The following ZNF407 variants were observed in gnomAD, a reference collection of about 807,000 sequenced individuals.
ZNF407 encodes zinc finger protein 407.
A neutral mutation model predicts 131.2 loss-of-function variants in ZNF407; 17 were observed. That is an observed-to-expected ratio of 0.13 (90% confidence interval 0.09 to 0.19). The LOEUF is 0.19. Among genes scored for constraint, ZNF407 ranks in the 10% least tolerant of loss-of-function variants. The probability of loss-of-function intolerance (pLI) is 1.00; values close to 1 mark genes in which losing one functional copy is unlikely to be tolerated. For synonymous variants in ZNF407, 1,156 were observed against 1,062.0 expected (o/e 1.09, Z -1.72); for missense variants, 2,681 against 2,830.6 (o/e 0.95, Z 1.20).
chr18:74,807,262 A>G (rs1297758263), intron 4 of ZNF407, among the ~76,000 whole-genome samples: 2 of 152,202 alleles, frequency 1.3e-5, no homozygotes, highest in African/African-American at 2.4e-5. Context: ...GGGAACAGAA[A>G]GTACAGTGAA....
Position 74,797,944 on chromosome 18 carries a change from G to T in ZNF407, c.4877+16442G>T, listed in dbSNP as rs556586785. On this transcript the variant is annotated intron_variant, in intron 4 of 8. Coordinates refer to ENST00000299687, the MANE Select transcript of ZNF407 (RefSeq NM_017757.3). ...ACTAGTAATCCATTTTAGCGCATCC[G>T]TAAAGACCAGCAGGAGGGATCAAGG... Among the ~76,000 whole-genome samples, 7 of 151,932 alleles carry T rather than the reference G, an allele frequency of 4.6e-5. No individual in the cohort carries two copies. The South Asian group carries it at 1.5e-3, about 32-fold the overall frequency.
rs146117757 is a variant in ZNF407 at position 75,006,171 on chromosome 18, G to T, written c.5429-56979G>T. Reference sequence around the variant, plus strand: ...CCTAATATTCTTCCTCTGCACTGCCGCTCCTATTTCTTGAGAATGGATTGT... The same window carrying T: ...CCTAATATTCTTCCTCTGCACTGCCTCTCCTATTTCTTGAGAATGGATTGT... On this transcript the variant is annotated intron_variant, in intron 8 of 8. Coordinates refer to ENST00000299687, the MANE Select transcript of ZNF407 (RefSeq NM_017757.3). Among the ~76,000 whole-genome samples the T allele has an allele frequency of 2.6e-5, 4 of 152,218 alleles. No homozygotes were observed. The East Asian group carries it at 7.7e-4, about 29-fold the overall frequency.
chr18:74,939,618 A>G (rs963732861), intron 8 of ZNF407, among the ~76,000 whole-genome samples: 14 of 152,234 alleles, frequency 9.2e-5, no homozygotes, highest in African/African-American at 2.7e-4. Context: ...CCTTTTTATC[A>G]ATCGACAGAA....
intron 8 of ZNF407, among the ~76,000 whole-genome samples, chr18:74,950,513 A>G (rs1246083231): frequency 6.6e-6 from 1 of 152,206 alleles, no homozygotes; most frequent in Admixed American, 6.5e-5. Context: ...GGGCTGAGGT[A>G]GAAAGAAAGT....
At chr18:74,693,800 G>C (rs1272052014) in intron 3 of ZNF407, among the ~76,000 whole-genome samples, 1 of 151,968 alleles carries the variant, frequency 6.6e-6, no homozygotes, top group African/African-American at 2.4e-5. Context: ...TATTTCTTCA[G>C]ATTTTTTTCT....
chr18:74,845,798 TAGC>T (rs1407162534), intron 4 of ZNF407, among the ~76,000 whole-genome samples: 2 of 152,176 alleles, frequency 1.3e-5, no homozygotes, highest in Non-Finnish European at 2.9e-5. Context: ...AGATACATAA[TAGC>T]AGAGAATAAG....
Position 74,635,723 on chromosome 18 carries a change from C to T in ZNF407, c.4687+17C>T, listed in dbSNP as rs370362446. On this transcript the variant is annotated intron_variant, in intron 2 of 8. Transcript: ENST00000299687. The surrounding 1 kb of genome is among the most constrained non-coding windows in gnomAD (Gnocchi z 4.7). ...CTCACACAGGTATGTAGCTCTGCAG[C>T]AAGCCAAGTCAGTGAGGACATGGGG... The T allele has an allele frequency of 1.1e-5, 17 of 1,544,640 alleles. No homozygotes were observed. In the African/African-American group the frequency reaches 2.1e-4, roughly 19 times the overall value.
rs758417579 is a variant in ZNF407 at position 74,635,331 on chromosome 18, C to T, written c.4312C>T (p.Pro1438Ser). The T allele has an allele frequency of 1.2e-6, 2 of 1,613,966 alleles. No individual in the cohort carries two copies. The highest frequency in any genetic ancestry group is 1.6e-4 in the Middle Eastern group (1 of 6,062). Residue 1438 changes from proline to serine, a missense_variant, in exon 2 of 9, where the codon CCT becomes TCT. This residue lies in a region of ZNF407 where 1,789 missense variants were observed against 1,748.7 expected (regional missense o/e 1.02). Transcript: ENST00000299687. The surrounding 1 kb of genome is among the most constrained non-coding windows in gnomAD (Gnocchi z 4.7). ...GLNVHIAMKH[P>S]TKEKHFHCLL... Reference sequence around the variant, plus strand: ...GAATGTTCACATAGCCATGAAGCATCCTACAAAAGAGAAGCACTTCCATTG... The same window carrying T: ...GAATGTTCACATAGCCATGAAGCATTCTACAAAAGAGAAGCACTTCCATTG...
chr18:75,019,383 A>C (rs116577686), intron 8 of ZNF407, among the ~76,000 whole-genome samples: 5 of 152,200 alleles, frequency 3.3e-5, no homozygotes, highest in African/African-American at 1.2e-4. Context: ...AAGTGTGCGC[A>C]GTGGTCCTCC....
chr18:74,983,801 C>T (rs1402635786), intron 8 of ZNF407, among the ~76,000 whole-genome samples: 2 of 152,160 alleles, frequency 1.3e-5, no homozygotes, highest in Non-Finnish European at 2.9e-5. Context: ...GCCACACTGG[C>T]TGTGGAGCCT....
intron 8 of ZNF407, among the ~76,000 whole-genome samples, chr18:74,999,351 A>T (rs1490855731): frequency 8.6e-5 from 8 of 92,802 alleles, no homozygotes; most frequent in South Asian, 3.2e-4. Flanking sequence ...AGTATAATAA[A>T]AAAAAAAAAA....
At chr18:74,640,888 T>A in intron 2 of ZNF407, 120 bp from the exon 3 acceptor site, 1 of 700,302 alleles carries the variant, frequency 1.4e-6, no homozygotes, top group Non-Finnish European at 2.5e-6. Flanking sequence ...AAGTATTCCA[T>A]TTTGGGTACA....
chr18:74,663,913 T>C (rs1436573696), intron 3 of ZNF407, among the ~76,000 whole-genome samples: 2 of 152,086 alleles, frequency 1.3e-5, no homozygotes, highest in Admixed American at 6.5e-5. Context: ...ACCCGGAAGG[T>C]AGAGAGACGC....
intron 1 of ZNF407, among the ~76,000 whole-genome samples, chr18:74,609,444 A>C (rs1329014268): frequency 3.9e-5 from 6 of 152,216 alleles, no homozygotes; most frequent in Admixed American, 6.5e-5. Context: ...ATTGTAACTC[A>C]ATGGTAAGTA....
At position 74,953,083 on chromosome 18, in the gene ZNF407, G is replaced by A. The variant is rs79270149; in HGVS notation, c.5428+32391G>A. Among the ~76,000 whole-genome samples the A allele has an allele frequency of 9.0e-3, 1,356 of 151,426 alleles. 21 individuals carry two copies. The highest frequency in any genetic ancestry group is 0.03 in the African/African-American group (1,227 of 40,702). ...GACGGTGAGCAAGAGAGGAGCCTAC[G>A]TTGATTTGTTTTTTGCAAAAAGTCA... On this transcript the variant is annotated intron_variant, in intron 8 of 8. Transcript: ENST00000299687.
At position 74,669,512 on chromosome 18, in the gene ZNF407, G is replaced by C. The variant is rs368527101; in HGVS notation, c.4802+28390G>C. ...TTTCTCTCAGGCTCTCCTTTTGGGG[G>C]CATCCAGTGTAGAGACCATTTGTTG... is the stretch of plus-strand genomic sequence containing the variant. On this transcript the variant is annotated intron_variant, in intron 3 of 8. Transcript: ENST00000299687. 2.0e-5 allele frequency among the ~76,000 whole-genome samples: 3 copies of C among 152,204 alleles called. No homozygotes were observed. The East Asian group carries it at 5.8e-4, about 29-fold the overall frequency.
chr18:74,784,145 A>G (rs566726672), intron 4 of ZNF407, among the ~76,000 whole-genome samples: 1 of 152,188 alleles, frequency 6.6e-6, no homozygotes, highest in South Asian at 2.1e-4. Context: ...TAAGTTAAAT[A>G]TTTTTCTTAC....
intron 3 of ZNF407, among the ~76,000 whole-genome samples, chr18:74,728,856 C>G (rs1166763863): frequency 6.6e-6 from 1 of 152,136 alleles, no homozygotes; most frequent in Non-Finnish European, 1.5e-5. Flanking sequence ...TGAAAGAGAA[C>G]CACTTAAGTG....
Position 74,635,761 on chromosome 18 carries a change from A to G in ZNF407, c.4687+55A>G. ...TGAGGACATGGGGCCATTTGTTCCC[A>G]TCCAGATATGCAGCCCTACCTGTGG... On this transcript the variant is annotated intron_variant, in intron 2 of 8. Transcript: ENST00000299687. This position sits in a 1 kb window ranked among gnomAD's most constrained non-coding sequence, Gnocchi z 4.7. 6.6e-7 allele frequency: 1 copy of G among 1,522,224 alleles called. No individual in the cohort carries two copies. Among genetic ancestry groups the G allele is most frequent in the Non-Finnish European group, 8.8e-7 (1 of 1,137,410 alleles). The allele number at this position is 1,522,224 out of a possible 1,614,324, so 94.3% of individuals were successfully genotyped here.
Sources: allele counts gnomAD v4.1 joint callset (sites outside exome capture counted in the v4.1 genomes callset), GRCh38; gene constraint gnomAD v4.1.1; regional missense constraint gnomAD v4.1.1; non-coding constraint Gnocchi (gnomAD v3.1); transcripts MANE v1.5; gene names NCBI Gene and HGNC (gene_info 2026-07-23, HGNC 2026-07-21).